CSGALNACT1: variants seen among roughly 807,000 people sequenced by gnomAD.
CSGALNACT1 encodes beta4GalNAcT-1.
CSGALNACT1 carries 52 observed loss-of-function variants against 51.0 expected under a neutral mutation model. That is an observed-to-expected ratio of 1.02 (90% CI 0.82 to 1.29). CSGALNACT1 has a LOEUF of 1.29. Among genes scored for constraint, CSGALNACT1 ranks in the 50% most tolerant of loss-of-function variants. The pLI is 0.00. For missense variants in CSGALNACT1, 935 were observed against 679.2 expected (o/e 1.38, Z -4.19); for synonymous variants, 341 against 254.4 (o/e 1.34, Z -3.24).
Position 19,666,929 on chromosome 8 carries a change from CAGAGAGAG to C in CSGALNACT1, c.-544+15536_-544+15543del, listed in dbSNP as rs1201286393. Among the ~76,000 whole-genome samples, 28 of 86,056 alleles carry C rather than the reference CAGAGAGAG, an allele frequency of 3.3e-4. 3 individuals carry two copies. The highest frequency in any genetic ancestry group is 7.9e-4 in the South Asian group (2 of 2,524). The allele number at this position is 86,056 out of a possible 152,430, so 56.5% of individuals were successfully genotyped here. ...AGGGAGGAAGGGAGGAAGGGAGAGA[CAGAGAGAG>C]AGAGAAAAAGAAAGAAAGAAAGAAA... On this transcript the variant is annotated intron_variant, in intron 1 of 9. Coordinates refer to the CSGALNACT1 transcript ENST00000332246.
At chr8:19,580,900 GAA>G (rs777845388) in intron 3 of CSGALNACT1, among the ~76,000 whole-genome samples, 1 of 152,146 alleles carries the variant, frequency 6.6e-6, no homozygotes, top group Non-Finnish European at 1.5e-5. Context: ...GATAGACACA[GAA>G]AAGTTTTATT....
chr8:19,597,522 C>T (rs1284226452), intron 2 of CSGALNACT1, among the ~76,000 whole-genome samples: 1 of 151,840 alleles, frequency 6.6e-6, no homozygotes, highest in Non-Finnish European at 1.5e-5. Context: ...CCCAGGCTGG[C>T]CTTGAACTCC....
intron 1 of CSGALNACT1, among the ~76,000 whole-genome samples, chr8:19,643,990 G>T (rs1293970696): frequency 1.3e-5 from 2 of 152,206 alleles, no homozygotes; most frequent in African/African-American, 4.8e-5. Context: ...AGATGTCTAT[G>T]CAGTCATGTG....
intron 3 of CSGALNACT1, among the ~76,000 whole-genome samples, chr8:19,530,303 T>C (rs2082502704): frequency 7.0e-6 from 1 of 143,140 alleles, no homozygotes; most frequent in African/African-American, 2.8e-5. Context: ...TCCATGAATG[T>C]GTACACATAC....
At chr8:19,691,548 G>T (rs769777715) in intron 1 of CSGALNACT1, among the ~76,000 whole-genome samples, 8 of 152,196 alleles carry the variant, frequency 5.3e-5, no homozygotes, top group Non-Finnish European at 7.3e-5. Flanking sequence ...CTGGCCCACT[G>T]AGTGGGGCAG....
chr8:19,460,009 A>G (rs1305193205), intron 4 of CSGALNACT1, among the ~76,000 whole-genome samples: 1 of 152,116 alleles, frequency 6.6e-6, no homozygotes, highest in East Asian at 1.9e-4. Context: ...GAATTTCCCA[A>G]TGTAAGGATC....
In CSGALNACT1 at chr8:19,505,745, G is replaced by GTA. The variant is rs1217224818; in HGVS notation, c.88_89dup (p.Met31ThrfsTer43). Reference sequence around the variant, plus strand: ...CACCTTTTGGGGTGCAGGCCAACATGTACAGGACAGAGATAGCACAGCAGA... The same window carrying GTA: ...CACCTTTTGGGGTGCAGGCCAACATGTATACAGGACAGAGATAGCACAGCAGA... On this transcript the variant is annotated frameshift_variant, in exon 4 of 10. Coordinates refer to ENST00000454498, the Ensembl canonical transcript of CSGALNACT1. LOFTEE classifies it high-confidence loss of function. 6.2e-7 allele frequency: 1 copy of GTA among 1,614,042 alleles called. No homozygotes were observed. Among genetic ancestry groups the GTA allele is most frequent in the African/African-American group, 1.3e-5 (1 of 74,936 alleles).
At chr8:19,548,575 CAT>C (rs200445955) in intron 3 of CSGALNACT1, among the ~76,000 whole-genome samples, 20,909 of 152,014 alleles carry the variant, frequency 0.14, 30 homozygotes, top group Middle Eastern at 0.19. Context: ...ATTTTTAAAA[CAT>C]TTTGTGAAAT....
chr8:19,675,339 G>A (rs1221789251), intron 1 of CSGALNACT1, among the ~76,000 whole-genome samples: 10 of 152,066 alleles, frequency 6.6e-5, no homozygotes, highest in African/African-American at 1.2e-4. Context: ...CTTCTCTAAC[G>A]GCCTTGCCCC....
rs539367133 is a variant in CSGALNACT1, at chr8:19,713,137, A to G, written c.-297+44713T>C. On this transcript the variant is annotated intron_variant, in intron 1 of 1. Coordinates refer to the CSGALNACT1 transcript ENST00000517494. ...GGTTTTCTCTGTACTGCAAGATCCT[A>G]AATCATCTCACTAGGAAGTGCCTCT... 2.6e-5 allele frequency among the ~76,000 whole-genome samples: 4 copies of G among 152,258 alleles called. No individual in the cohort carries two copies. In the South Asian group the frequency reaches 8.3e-4, roughly 32 times the overall value.
intron 3 of CSGALNACT1, among the ~76,000 whole-genome samples, chr8:19,519,804 G>A (rs1275680999): frequency 6.6e-6 from 1 of 152,132 alleles, no homozygotes; most frequent in African/African-American, 2.4e-5. Context: ...GTGGCATTCT[G>A]GTCTCTCCAC....
intron 3 of CSGALNACT1, among the ~76,000 whole-genome samples, chr8:19,549,410 AT>A (rs1360351450): frequency 3.3e-5 from 5 of 152,018 alleles, no homozygotes; most frequent in African/African-American, 1.2e-4. Context: ...TGATTTCTCT[AT>A]GTATCTAACA....
chr8:19,644,626 C>G (rs561539166), intron 1 of CSGALNACT1, among the ~76,000 whole-genome samples: 1 of 141,474 alleles, frequency 7.1e-6, no homozygotes, highest in African/African-American at 2.6e-5. Flanking sequence ...AGGAGAATTG[C>G]TTGAACCCGG....
chr8:19,659,940 T>C (rs2154189725), intron 1 of CSGALNACT1, among the ~76,000 whole-genome samples: 1 of 152,354 alleles, frequency 6.6e-6, no homozygotes, highest in African/African-American at 2.4e-5. Flanking sequence ...ATTTACCGAA[T>C]ACTTATTATA....
upstream of CSGALNACT1, among the ~76,000 whole-genome samples, chr8:19,603,047 TACACAC>T (rs5889877): frequency 0.018 from 2,226 of 123,056 alleles, 29 homozygotes; most frequent in Middle Eastern, 0.043. Flanking sequence ...ACTGTGTGTA[TACACAC>T]ACACACACAC....
chr8:19,748,094 G>T (rs1422410043), intron 1 of CSGALNACT1, among the ~76,000 whole-genome samples: 1 of 152,138 alleles, frequency 6.6e-6, no homozygotes, highest in East Asian at 1.9e-4. Flanking sequence ...TTGCTCAAAG[G>T]TAACCTGGAA....
Position 19,485,762 on chromosome 8 carries a change from T to G in CSGALNACT1, c.634+19439A>C, listed in dbSNP as rs1289298458. Among the ~76,000 whole-genome samples, 4 of 120,884 alleles carry G rather than the reference T, an allele frequency of 3.3e-5. No homozygotes were observed. In the South Asian group the frequency reaches 9.0e-4, roughly 27 times the overall value. The allele number at this position is 120,884 out of a possible 152,430, so 79.3% of individuals were successfully genotyped here. On this transcript the variant is annotated intron_variant, in intron 4 of 9. Transcript: ENST00000454498. ...GTCTCACTGCCACCTCAGCTTGCTT[T>G]TTTTTTTTTTTTTTTTTTTTTTTGA... is the stretch of plus-strand genomic sequence containing the variant.
intron 2 of CSGALNACT1, among the ~76,000 whole-genome samples, chr8:19,599,539 G>GAAAAGAAAGAAA (rs2049932556): frequency 8.1e-6 from 1 of 123,122 alleles, no homozygotes; most frequent in African/African-American, 3.0e-5. Context: ...GAAAGAAAAA[G>GAAAAGAAAGAAA]AAGGAAAGAA....
chr8:19,478,123 C>T lies in CSGALNACT1; in HGVS notation c.635-19481G>A, dbSNP rs902853785. On this transcript the variant is annotated intron_variant, in intron 4 of 9. Coordinates refer to ENST00000454498, the Ensembl canonical transcript of CSGALNACT1. ...AATCATTTGGGGAGCTTTAAAAATACTCATGTCTGGGCCGGGTGCGGTGGC... is the reference window on the plus strand; with the variant it reads ...AATCATTTGGGGAGCTTTAAAAATATTCATGTCTGGGCCGGGTGCGGTGGC... Among the ~76,000 whole-genome samples, 3 of 127,042 alleles carry T rather than the reference C, an allele frequency of 2.4e-5. No individual in the cohort carries two copies. The South Asian group carries it at 8.0e-4, about 34-fold the overall frequency. The allele number at this position is 127,042 out of a possible 152,430, so 83.3% of individuals were successfully genotyped here.
Sources: allele counts gnomAD v4.1 joint callset (sites outside exome capture counted in the v4.1 genomes callset), GRCh38; gene constraint gnomAD v4.1.1; transcripts MANE v1.5; gene names NCBI Gene and HGNC (gene_info 2026-07-23, HGNC 2026-07-21).